HDX: variants seen among roughly 807,000 people sequenced by gnomAD.
HDX encodes chromosome X open reading frame 43.
Under a neutral mutation model 45.2 loss-of-function variants are expected in HDX, and 19 were observed. The ratio of observed to expected loss-of-function variants is 0.42; its 90% CI spans 0.29 to 0.62. The LOEUF (loss-of-function observed/expected upper bound fraction) is 0.62. HDX is among the 20% of genes least tolerant of loss of function. HDX has a pLI of 0.20. For synonymous variants in HDX, 188 were observed against 172.8 expected (o/e 1.09, Z -0.69); for missense variants, 532 against 493.9 (o/e 1.08, Z -0.73).
At chrX:84,393,931 C>G (rs1409366514) in intron 5 of HDX, among the ~76,000 whole-genome samples, 2 of 52,215 alleles carry the variant, frequency 3.8e-5, no homozygotes, top group Non-Finnish European at 7.5e-5. Flanking sequence ...AATGGTTGAT[C>G]AATTTTGTTC....
intron 5 of HDX, among the ~76,000 whole-genome samples, chrX:84,368,246 TTTC>T (rs1174677465): frequency 4.5e-5 from 5 of 111,856 alleles, no homozygotes; most frequent in African/African-American, 1.6e-4. Flanking sequence ...CATGGTTTTC[TTTC>T]TTCTTTATTT....
At chrX:84,439,646 C>T (rs906993430) in intron 5 of HDX, among the ~76,000 whole-genome samples, 7 of 110,974 alleles carry the variant, frequency 6.3e-5, no homozygotes, top group Non-Finnish European at 5.7e-5. Flanking sequence ...TGTCATTTAT[C>T]GAACAAGGAG....
chrX:84,453,355 T>C (rs1409382348), intron 4 of HDX, among the ~76,000 whole-genome samples: 2 of 111,322 alleles, frequency 1.8e-5, no homozygotes, highest in Non-Finnish European at 3.8e-5. Context: ...GCTGACACCA[T>C]ACCTCCCCCA....
At chrX:84,411,113 A>G (rs748356211) in intron 5 of HDX, among the ~76,000 whole-genome samples, 1 of 111,236 alleles carries the variant, frequency 9.0e-6, no homozygotes, top group Non-Finnish European at 1.9e-5. Flanking sequence ...AACTCCATTG[A>G]CTAGATTTGT....
At position 84,354,954 on chromosome X, in the gene HDX, T is replaced by C. The variant is rs1213940680; in HGVS notation, c.1452+6512A>G. On this transcript the variant is annotated intron_variant, in intron 6 of 10. Coordinates refer to ENST00000373177, the MANE Select transcript of HDX (RefSeq NM_001177479.2). ...ACATATATATATATATATATATATA[T>C]ATATATATATATATATATACACATA... Among the ~76,000 whole-genome samples the C allele has an allele frequency of 2.8e-3, 261 of 93,302 alleles. 3 individuals are homozygous for C. The highest frequency in any genetic ancestry group is 9.4e-3 in the African/African-American group (243 of 25,922). The allele number at this position is 93,302 out of a possible 115,157, so 81.0% of individuals were successfully genotyped here.
rs2091683216 is a variant in HDX at position 84,493,964 on chromosome X, T to C, written c.-109-5832A>G. ...CATGCTTATATCAAAATATCTCATG[T>C]ACCCCATAAATGTGTACACCTACTA... On this transcript the variant is annotated intron_variant, in intron 1 of 10. Coordinates refer to ENST00000373177, the MANE Select transcript of HDX (RefSeq NM_001177479.2). Among the ~76,000 whole-genome samples, 4 of 111,572 alleles carry C rather than the reference T, an allele frequency of 3.6e-5. No individual in the cohort carries two copies. The Admixed American group carries it at 3.8e-4, about 11-fold the overall frequency.
chrX:84,436,150 C>T (rs1307443323), intron 5 of HDX, among the ~76,000 whole-genome samples: 3 of 88,822 alleles, frequency 3.4e-5, no homozygotes, highest in African/African-American at 4.2e-5. Context: ...AAATTGGAAA[C>T]CATCATTCTC....
At position 84,492,928 on chromosome X, in the gene HDX, C is replaced by G. The variant is rs79083544; in HGVS notation, c.-109-4796G>C. Among the ~76,000 whole-genome samples, 4 of 44,650 alleles carry G rather than the reference C, an allele frequency of 9.0e-5. No individual in the cohort carries two copies. In the Admixed American group the frequency reaches 1.0e-3, roughly 12 times the overall value. 38.8% of individuals were successfully genotyped at this position (44,650 alleles called of 115,157 possible). Reference sequence around the variant, plus strand: ...ACAAAAAGCTTTTTTTTTTTTTTTTCTGAGATGGAGCTTCGCTCTTGTTGC... The same window carrying G: ...ACAAAAAGCTTTTTTTTTTTTTTTTGTGAGATGGAGCTTCGCTCTTGTTGC... On this transcript the variant is annotated intron_variant, in intron 1 of 10. Coordinates refer to ENST00000373177, the MANE Select transcript of HDX (RefSeq NM_001177479.2).
At position 84,319,717 on chromosome X, in the gene HDX, A is replaced by G. The variant is rs747828710; in HGVS notation, c.*2172T>C. 1 of 111,522 alleles carries G rather than the reference A, an allele frequency of 9.0e-6. No individual in the cohort carries two copies. The highest frequency in any genetic ancestry group is 3.7e-4 in the South Asian group (1 of 2,707). 9.2% of individuals were successfully genotyped at this position (111,522 alleles called of 1,213,427 possible). Reference sequence around the variant, plus strand: ...AGGAATCCTTCTAAGAATCACACCTAGCAGAACCTTAAATCTATTAAAAAT... The same window carrying G: ...AGGAATCCTTCTAAGAATCACACCTGGCAGAACCTTAAATCTATTAAAAAT... On this transcript the variant is annotated 3_prime_UTR_variant, in exon 11 of 11. Coordinates refer to ENST00000373177, the MANE Select transcript of HDX (RefSeq NM_001177479.2).
Position 84,468,754 on chromosome X carries a change from A to G in HDX, c.969T>C (p.Tyr323=), listed in dbSNP as rs1316749424. ...AACTGCCACTTTCATAAAATCTCGAATAGCTTGGTATCTGTGCTCTCATCG... is the reference window on the plus strand; with the variant it reads ...AACTGCCACTTTCATAAAATCTCGAGTAGCTTGGTATCTGTGCTCTCATCG... ...LASMRAQIPS[Y]SRFYESGSSL... Residue 323 remains tyrosine, a synonymous_variant, in exon 4 of 11, where the codon TAT becomes TAC. Transcript: ENST00000373177. The G allele has an allele frequency of 1.7e-6, 2 of 1,211,459 alleles. No homozygotes were observed. The highest frequency in any genetic ancestry group is 3.0e-5 in the East Asian group (1 of 33,814).
At chrX:84,353,041 G>A (rs1042000216) in intron 6 of HDX, among the ~76,000 whole-genome samples, 3 of 111,688 alleles carry the variant, frequency 2.7e-5, no homozygotes, top group Non-Finnish European at 3.8e-5. Flanking sequence ...TGAGAGAAAT[G>A]AGTGATTATA....
chrX:84,358,334 C>A (rs1245445458), intron 6 of HDX, among the ~76,000 whole-genome samples: 2 of 109,835 alleles, frequency 1.8e-5, no homozygotes, highest in African/African-American at 6.5e-5. Flanking sequence ...ACTTCCTAAG[C>A]TATATACGTA....
At chrX:84,450,055 T>C (rs1014891398) in intron 4 of HDX, among the ~76,000 whole-genome samples, 18 of 110,308 alleles carry the variant, frequency 1.6e-4, no homozygotes, top group African/African-American at 5.3e-4. Flanking sequence ...TGTATACATA[T>C]GTAACAAACC....
At chrX:84,400,917 A>T (rs980921738) in intron 5 of HDX, among the ~76,000 whole-genome samples, 1 of 111,617 alleles carries the variant, frequency 9.0e-6, no homozygotes, top group Non-Finnish European at 1.9e-5. Context: ...CATCCATCTG[A>T]TCTTCGACAA....
chrX:84,418,081 C>A (rs2039156854), intron 5 of HDX, among the ~76,000 whole-genome samples: 1 of 111,950 alleles, frequency 8.9e-6, no homozygotes, highest in Non-Finnish European at 1.9e-5. Context: ...TTCTGAATCT[C>A]TAGCTAGGTT....
chrX:84,413,357 T>C (rs2039030419), intron 5 of HDX, among the ~76,000 whole-genome samples: 1 of 111,933 alleles, frequency 8.9e-6, no homozygotes, highest in Non-Finnish European at 1.9e-5. Context: ...TGAGTGTTTG[T>C]TTATGGTATA....
At position 84,336,886 on chromosome X, in the gene HDX, G is replaced by A; in HGVS notation, c.1661-6C>T. Reference sequence around the variant, plus strand: ...AACAACTTCATTGGGCTCTTCTACAGAAAAAAATGCCATAATTTCATTTTC... The same window carrying A: ...AACAACTTCATTGGGCTCTTCTACAAAAAAAAATGCCATAATTTCATTTTC... On this transcript the variant is annotated splice_polypyrimidine_tract_variant and splice_region_variant and intron_variant, in intron 7 of 10. Coordinates refer to ENST00000373177, the MANE Select transcript of HDX (RefSeq NM_001177479.2). 2 of 1,126,581 alleles carry A rather than the reference G, an allele frequency of 1.8e-6. No homozygotes were observed. The highest frequency in any genetic ancestry group is 2.5e-5 in the Admixed American group (1 of 40,701). 92.8% of individuals were successfully genotyped at this position (1,126,581 alleles called of 1,213,427 possible).
At chrX:84,430,552 G>T (rs963855655) in intron 5 of HDX, among the ~76,000 whole-genome samples, 2 of 110,576 alleles carry the variant, frequency 1.8e-5, no homozygotes, top group African/African-American at 3.3e-5. Flanking sequence ...GGAATCGCTG[G>T]ATCATATAGT....
At chrX:84,500,394 T>C (rs1339015054) in intron 1 of HDX, 2 of 110,345 alleles carry the variant, frequency 1.8e-5, no homozygotes, top group East Asian at 5.6e-4. Flanking sequence ...ATGGATGTCA[T>C]GGTCCCAACC....
Sources: allele counts gnomAD v4.1 joint callset (sites outside exome capture counted in the v4.1 genomes callset), GRCh38; gene constraint gnomAD v4.1.1; transcripts MANE v1.5; gene names NCBI Gene and HGNC (gene_info 2026-07-23, HGNC 2026-07-21).